PXDNL: variants seen among roughly 807,000 people sequenced by gnomAD.
PXDNL encodes probable oxidoreductase PXDNL.
PXDNL carries 145 observed loss-of-function variants against 150.8 expected under a neutral mutation model. That is an observed-to-expected ratio of 0.96 (90% CI 0.84 to 1.10). The LOEUF (loss-of-function observed/expected upper bound fraction) is 1.10. Ranked by LOEUF, PXDNL falls within the 50% of genes least tolerant of loss-of-function variation. The probability of loss-of-function intolerance (pLI) is 0.00; values close to 1 mark genes in which losing one functional copy is unlikely to be tolerated. For missense variants in PXDNL, 2,087 were observed against 1,873.9 expected, an observed-to-expected ratio of 1.11 and a Z score of -2.10; for synonymous variants, 757 against 725.7, an observed-to-expected ratio of 1.04 and a Z score of -0.69.
At chr8:51,772,529 C>T (rs1231081344) in intron 1 of PXDNL, among the ~76,000 whole-genome samples, 1 of 152,182 alleles carries the variant, frequency 6.6e-6, no homozygotes. Context: ...CAGGGAGACA[C>T]AGGAACCACC....
In PXDNL at chr8:51,586,295, T is replaced by A. The variant is rs3923376; in HGVS notation, c.308+6332A>T. ...ACATGGAAAAGAAAAGGATCCCAGC[T>A]AATACTGAGAAATTGCCAGCTATGT... is the stretch of plus-strand genomic sequence containing the variant. On this transcript the variant is annotated intron_variant, in intron 3 of 22. Transcript: ENST00000356297. 5.5e-3 allele frequency among the ~76,000 whole-genome samples: 843 copies of A among 152,236 alleles called. 8 individuals carry two copies. The highest frequency in any genetic ancestry group is 0.019 in the African/African-American group (797 of 41,544).
Position 51,774,588 on chromosome 8 carries a change from G to A in PXDNL, c.164+34593C>T, listed in dbSNP as rs981694516. ...AATCCTAGCACTTTGGGAGGCTGAG[G>A]CGGGTGGATCATGAAGTCAGGAGAT... On this transcript the variant is annotated intron_variant, in intron 1 of 22. Coordinates refer to ENST00000356297, the MANE Select transcript of PXDNL (RefSeq NM_144651.5). 4.6e-5 allele frequency among the ~76,000 whole-genome samples: 7 copies of A among 152,158 alleles called. No homozygotes were observed. In the East Asian group the frequency reaches 1.4e-3, roughly 29 times the overall value.
chr8:51,804,889 G>C (rs1046286631), intron 1 of PXDNL, among the ~76,000 whole-genome samples: 1 of 151,990 alleles, frequency 6.6e-6, no homozygotes, highest in African/African-American at 2.4e-5. Context: ...ACCCCAGCCA[G>C]TGGTGCTGGC....
intron 1 of PXDNL, among the ~76,000 whole-genome samples, chr8:51,693,338 T>C (rs964158909): frequency 2.0e-5 from 3 of 152,224 alleles, no homozygotes; most frequent in Admixed American, 6.5e-5. Flanking sequence ...TATGCTGTCA[T>C]TACATTAGGA....
chr8:51,319,946 C>A lies in PXDNL; in HGVS notation c.4337G>T (p.Cys1446Phe). ...TCCTCGGTCTCTGCAAACTGGACAGCAGGTTCCTTTCACCAATTCAGGACT... is the reference window on the plus strand; with the variant it reads ...TCCTCGGTCTCTGCAAACTGGACAGAAGGTTCCTTTCACCAATTCAGGACT... ...CPSPELVKGT[C>F]CPVCRDRGMP... Residue 1446 changes from cysteine (C) to phenylalanine (F), a missense_variant, in exon 23 of 23, where the codon TGC becomes TTC. Physicochemically the swap from Cys to Phe is radical, Grantham distance 205 (BLOSUM62 -2). Transcript: ENST00000356297. 6.3e-7 allele frequency: 1 copy of A among 1,579,700 alleles called. No individual in the cohort carries two copies. Among genetic ancestry groups the A allele is most frequent in the Non-Finnish European group, 8.6e-7 (1 of 1,164,032 alleles).
chr8:51,593,553 GT>G (rs1813494834), intron 2 of PXDNL, among the ~76,000 whole-genome samples: 1 of 152,124 alleles, frequency 6.6e-6, no homozygotes, highest in African/African-American at 2.4e-5. Context: ...CAAAATATTT[GT>G]TTTGTGGGGT....
intron 1 of PXDNL, among the ~76,000 whole-genome samples, chr8:51,752,429 T>G (rs1007874314): frequency 2.0e-5 from 3 of 152,204 alleles, no homozygotes; most frequent in Admixed American, 6.5e-5. Flanking sequence ...GGGCTTTTGT[T>G]ACATTCCAGC....
chr8:51,480,587 C>T (rs1810579023), intron 6 of PXDNL, among the ~76,000 whole-genome samples: 1 of 152,188 alleles, frequency 6.6e-6, no homozygotes, highest in South Asian at 2.1e-4. Context: ...AACATCCAAA[C>T]TATATCAGCC....
intron 17 of PXDNL, among the ~76,000 whole-genome samples, chr8:51,386,442 CA>C (rs1807714461): frequency 6.6e-6 from 1 of 151,650 alleles, no homozygotes; most frequent in Non-Finnish European, 1.5e-5. Flanking sequence ...ATGATACTGG[CA>C]GTAGTAAGAT....
At chr8:51,598,775 C>T (rs891659724) in intron 2 of PXDNL, among the ~76,000 whole-genome samples, 4 of 151,968 alleles carry the variant, frequency 2.6e-5, no homozygotes, top group Non-Finnish European at 5.9e-5. Context: ...TGGAAAGGTG[C>T]CTCCTCGATT....
intron 2 of PXDNL, among the ~76,000 whole-genome samples, chr8:51,608,111 C>T (rs79429819): frequency 1.4e-5 from 2 of 140,446 alleles, no homozygotes; most frequent in African/African-American, 2.8e-5. Flanking sequence ...GCAAGCAAGC[C>T]GGGCACGGTC....
At chr8:51,352,151 C>A (rs1459762944) in intron 19 of PXDNL, among the ~76,000 whole-genome samples, 1 of 151,878 alleles carries the variant, frequency 6.6e-6, no homozygotes, top group Admixed American at 6.5e-5. Flanking sequence ...AAGATAATTC[C>A]CACCATAAAA....
chr8:51,591,122 T>A (rs765789411), intron 3 of PXDNL, among the ~76,000 whole-genome samples: 60 of 152,180 alleles, frequency 3.9e-4, no homozygotes, highest in Non-Finnish European at 7.8e-4. Flanking sequence ...ACCCCCCTTT[T>A]TCTCCATGTC....
chr8:51,494,508 C>T (rs1335249349), intron 5 of PXDNL, among the ~76,000 whole-genome samples: 1 of 152,108 alleles, frequency 6.6e-6, no homozygotes, highest in Non-Finnish European at 1.5e-5. Context: ...AGTCAAGACC[C>T]ATCAGTGTGC....
intron 11 of PXDNL, 65 bp from the exon 12 acceptor site, chr8:51,447,227 T>A (rs914336277): frequency 1.3e-6 from 2 of 1,542,402 alleles, no homozygotes; most frequent in African/African-American, 2.7e-5. Flanking sequence ...AGCTGCTGGC[T>A]GTCCTGGCTA....
chr8:51,809,388 G>GACC lies in PXDNL; in HGVS notation c.-45_-44insGGT. On this transcript the variant is annotated 5_prime_UTR_variant, in exon 1 of 23. Coordinates refer to ENST00000356297, the MANE Select transcript of PXDNL (RefSeq NM_144651.5). ...CCACGCGAAGAAGCAGCCGGAGGGA[G>GACC]AGCAGCAGCTGCAGCTGCAGCAGCA... 1 of 1,487,148 alleles carries GACC rather than the reference G, an allele frequency of 6.7e-7. No homozygotes were observed. Among genetic ancestry groups the GACC allele is most frequent in the African/African-American group, 1.5e-5 (1 of 67,026 alleles). The allele number at this position is 1,487,148 out of a possible 1,614,324, so 92.1% of individuals were successfully genotyped here.
chr8:51,518,873 G>C (rs1202447770), intron 4 of PXDNL, among the ~76,000 whole-genome samples: 1 of 152,166 alleles, frequency 6.6e-6, no homozygotes, highest in Non-Finnish European at 1.5e-5. Context: ...GATAATTGCA[G>C]ATGTCACCTA....
At chr8:51,390,302 A>G (rs568713214) in intron 17 of PXDNL, among the ~76,000 whole-genome samples, 3 of 152,316 alleles carry the variant, frequency 2.0e-5, no homozygotes, top group African/African-American at 7.2e-5. Context: ...AGAGCCATTT[A>G]AAAGCATTCA....
intron 17 of PXDNL, among the ~76,000 whole-genome samples, chr8:51,396,694 G>A (rs1168632256): frequency 1.3e-5 from 2 of 152,214 alleles, no homozygotes; most frequent in Non-Finnish European, 2.9e-5. Context: ...GGAGGCAAAG[G>A]TTGAGGTGAG....
Sources: allele counts gnomAD v4.1 joint callset (sites outside exome capture counted in the v4.1 genomes callset), GRCh38; gene constraint gnomAD v4.1.1; transcripts MANE v1.5; gene names NCBI Gene and HGNC (gene_info 2026-07-23, HGNC 2026-07-21).